Variants in TMBIM4 observed in about 807,000 individuals in gnomAD.
The protein encoded by TMBIM4 is transmembrane BAX inhibitor motif containing 4.
Under a neutral mutation model 27.7 loss-of-function variants are expected in TMBIM4, and 28 were observed. That is an observed-to-expected ratio of 1.01 (90% CI 0.75 to 1.38). TMBIM4 has a LOEUF of 1.38. TMBIM4 is among the 40% of genes most tolerant of loss of function. The probability of loss-of-function intolerance (pLI) is 0.00; values close to 1 mark genes in which losing one functional copy is unlikely to be tolerated. For synonymous variants in TMBIM4, 115 were observed against 113.1 expected (o/e 1.02, Z -0.11); for missense variants, 265 against 277.5 (o/e 0.95, Z 0.32).
chr12:66,138,123 G>T lies in TMBIM4; in HGVS notation c.554C>A (p.Ala185Glu). 6.2e-7 allele frequency: 1 copy of T among 1,613,940 alleles called. No individual in the cohort carries two copies. Among genetic ancestry groups the T allele is most frequent in the South Asian group, 1.1e-5 (1 of 91,070 alleles). Reference sequence around the variant, plus strand: ...GAATCCACAGAAAAGAAGGGCTCCTGCAGCGGCTAAGACCAACTCCATTAT... The same window carrying T: ...GAATCCACAGAAAAGAAGGGCTCCTTCAGCGGCTAAGACCAACTCCATTAT... ...SEIMELVLAA[A>E]GALLFCGFII... Residue 185 changes from alanine to glutamate, a missense_variant, in exon 7 of 7, where the codon GCA becomes GAA. Physicochemically the swap from Ala to Glu is moderately radical, Grantham distance 107 (BLOSUM62 -1). Coordinates refer to ENST00000358230, the MANE Select transcript of TMBIM4 (RefSeq NM_016056.4).
At chr12:66,153,680 A>C (rs1414065589) in intron 1 of TMBIM4, among the ~76,000 whole-genome samples, 1 of 152,124 alleles carries the variant, frequency 6.6e-6, no homozygotes, top group Non-Finnish European at 1.5e-5. Flanking sequence ...AAAAAAAATT[A>C]GTGGGCCAAA....
rs867238899 is a variant in TMBIM4 at position 66,139,986 on chromosome 12, A to G, written c.465-1217T>C. ...TCTGGACCTCCTAACAGAGCCTCAA[A>G]AGGTTTACTTTCCAAGGAACTTAAC... On this transcript the variant is annotated intron_variant, in intron 5 of 6. Transcript: ENST00000358230. Among the ~76,000 whole-genome samples the G allele has an allele frequency of 5.9e-5, 9 of 152,286 alleles. No individual in the cohort carries two copies. In the Middle Eastern group the frequency reaches 0.01, roughly 173 times the overall value.
chr12:66,138,633 A>C (rs1178990838), intron 6 of TMBIM4, 91 bp downstream of exon 6: 3 of 892,436 alleles, frequency 3.4e-6, no homozygotes. Flanking sequence ...TAAGTGTCCT[A>C]TCATAAGAGT....
chr12:66,155,499 C>T (rs910057387), intron 1 of TMBIM4, among the ~76,000 whole-genome samples: 1 of 152,064 alleles, frequency 6.6e-6, no homozygotes, highest in Non-Finnish European at 1.5e-5. Flanking sequence ...GCCACTACGC[C>T]CAGCTAATTT....
chr12:66,140,058 A>G (rs1000849867), intron 5 of TMBIM4, among the ~76,000 whole-genome samples: 17 of 152,236 alleles, frequency 1.1e-4, no homozygotes. Context: ...TTAATACAAC[A>G]AAATTCAGCA....
intron 1 of TMBIM4, among the ~76,000 whole-genome samples, chr12:66,161,779 A>C (rs2052044922): frequency 6.6e-6 from 1 of 152,202 alleles, no homozygotes; most frequent in South Asian, 2.1e-4. Flanking sequence ...GAATAAAATT[A>C]ATTCTTTCCT....
chr12:66,145,764 G>T, intron 5 of TMBIM4, 77 bp downstream of exon 5: 1 of 845,988 alleles, frequency 1.2e-6, no homozygotes, highest in Non-Finnish European at 1.9e-6. Context: ...AAAAATAACA[G>T]TGTAGCACAT....
chr12:66,146,008 A>G, intron 4 of TMBIM4, 50 bp from the exon 5 acceptor site: 1 of 993,098 alleles, frequency 1.0e-6, no homozygotes. Context: ...GCTCAATACA[A>G]AACAGCTTTT....
At position 66,153,401 on chromosome 12, in the gene TMBIM4, T is replaced by G; in HGVS notation, c.145A>C (p.Thr49Pro). The G allele has an allele frequency of 6.2e-7, 1 of 1,601,992 alleles. No homozygotes were observed. The highest frequency in any genetic ancestry group is 8.5e-7 in the Non-Finnish European group (1 of 1,176,292). The change falls in exon 2 of 7, where the codon ACT (threonine) becomes CCT (proline). Residue 49 changes from threonine to proline, a missense_variant. Physicochemically the swap from Thr to Pro is conservative, Grantham distance 38. Transcript: ENST00000358230. ...YSILSLQVLL[T>P]TVTSTVFLYF... ...AAAAAAACTGTTGAAGTCACTGTAG[T>G]TAAGAGAACCTGCAGAGAAAGAATG...
In TMBIM4 at chr12:66,138,762, C is replaced by A. The variant is rs749507223; in HGVS notation, c.472G>T (p.Ala158Ser). 4.0e-5 allele frequency: 61 copies of A among 1,541,990 alleles called. No homozygotes were observed. Among genetic ancestry groups the A allele is most frequent in the Non-Finnish European group, 5.3e-5 (61 of 1,153,564 alleles). The change falls in exon 6 of 7, where the codon GCT (alanine) becomes TCT (serine). Residue 158 changes from alanine (A) to serine (S), a missense_variant. By Grantham distance (99) the Ala-to-Ser change is moderately conservative. Coordinates refer to ENST00000358230, the MANE Select transcript of TMBIM4 (RefSeq NM_016056.4). ...DFSKFGAGLF[A>S]LLWILCLSGF... is the part of the protein sequence containing the mutation. The stretch of plus-strand genomic sequence containing the variant: ...GACAGGCACAATATCCACAAAAGAG[C>A]AAACAGCCTATAAAAATACAATTTT...
At position 66,151,654 on chromosome 12, in the gene TMBIM4, C is replaced by T. The variant is rs185420994; in HGVS notation, c.312+617G>A. 1.8e-3 allele frequency among the ~76,000 whole-genome samples: 268 copies of T among 152,202 alleles called. 1 individual carries two copies. The highest frequency in any genetic ancestry group is 6.3e-3 in the African/African-American group (260 of 41,534). On this transcript the variant is annotated intron_variant, in intron 3 of 6. Transcript: ENST00000358230. ...TTAGACAGATAACTTGAGGCTTATC[C>T]CCTTATTCTGGTCATATTCTAAACT... is the stretch of plus-strand genomic sequence containing the variant.
intron 1 of TMBIM4, among the ~76,000 whole-genome samples, chr12:66,165,416 A>AT (rs1356586681): frequency 1.4e-5 from 2 of 139,740 alleles, no homozygotes; most frequent in Non-Finnish European, 3.1e-5. Context: ...GGTATATATG[A>AT]TCCTTTTTTT....
chr12:66,148,334 G>C (rs1194329247), intron 3 of TMBIM4, among the ~76,000 whole-genome samples: 1 of 152,138 alleles, frequency 6.6e-6, no homozygotes, highest in Non-Finnish European at 1.5e-5. Flanking sequence ...TAGTACTTTG[G>C]TGTGGGAGTC....
intron 1 of TMBIM4, among the ~76,000 whole-genome samples, chr12:66,158,129 G>C (rs892217842): frequency 1.3e-5 from 2 of 151,502 alleles, no homozygotes; most frequent in Admixed American, 6.6e-5. Context: ...GGGAGGCTGA[G>C]GCAGGAGAAT....
At position 66,152,255 on chromosome 12, in the gene TMBIM4, AAGTC is replaced by A. The variant is rs753006318; in HGVS notation, c.312+12_312+15del. On this transcript the variant is annotated intron_variant, in intron 3 of 6. Coordinates refer to ENST00000358230, the MANE Select transcript of TMBIM4 (RefSeq NM_016056.4). The stretch of plus-strand genomic sequence containing the variant: ...GGAATAATTGTTAAGGGAATAGAGA[AAGTC>A]AGAGTACTCACAAATCCAAAAAGTA... 9.4e-4 allele frequency: 1,379 copies of A among 1,469,006 alleles called. 1 individual carries two copies. The highest frequency in any genetic ancestry group is 3.0e-3 in the Middle Eastern group (17 of 5,722). 91.0% of individuals were successfully genotyped at this position (1,469,006 alleles called of 1,614,324 possible). A position where few individuals can be genotyped will look rare whatever the true frequency, so the allele number is the denominator to read the frequency against.
At chr12:66,160,211 C>G (rs754351113) in intron 1 of TMBIM4, 17 of 703,168 alleles carry the variant, frequency 2.4e-5, no homozygotes, top group Non-Finnish European at 4.4e-5. Context: ...TACCAGATTG[C>G]CGGAGATGAA....
At chr12:66,160,594 T>C (rs888214806) in intron 1 of TMBIM4, among the ~76,000 whole-genome samples, 1 of 152,250 alleles carries the variant, frequency 6.6e-6, no homozygotes, top group Non-Finnish European at 1.5e-5. Flanking sequence ...TATACTAGTT[T>C]AATCAGCACT....
At chr12:66,147,275 A>G (rs2051766910) in intron 4 of TMBIM4, among the ~76,000 whole-genome samples, 1 of 152,186 alleles carries the variant, frequency 6.6e-6, no homozygotes. Flanking sequence ...ACAACTTGCT[A>G]TTATGGAGAG....
intron 5 of TMBIM4, among the ~76,000 whole-genome samples, chr12:66,144,314 A>G (rs776411652): frequency 7.9e-5 from 12 of 152,186 alleles, no homozygotes; most frequent in Non-Finnish European, 1.5e-4. Flanking sequence ...AAGAGAAAAC[A>G]AAGAATACGT....
Sources: gnomAD v4.1 joint callset for allele counts (sites outside exome capture counted in the v4.1 genomes callset) on GRCh38, gnomAD v4.1.1 for gene constraint, MANE v1.5 for transcripts, NCBI Gene and HGNC (gene_info 2026-07-23, HGNC 2026-07-21) for gene names.